Variants in SYNE1 observed in about 807,000 individuals in gnomAD.
SYNE1 encodes the protein nesprin-1.
SYNE1 carries 616 observed loss-of-function variants against 1,111.0 expected under a neutral mutation model. That is an observed-to-expected ratio of 0.55 (90% CI 0.52 to 0.59). The LOEUF is 0.59. Ranked by LOEUF, SYNE1 falls within the 20% of genes least tolerant of loss-of-function variation. The pLI is 0.00. For synonymous variants in SYNE1, 3,855 were observed against 3,825.8 expected (o/e 1.01, Z -0.28); for missense variants, 10,006 against 10,417.0 (o/e 0.96, Z 1.72).
intron 130 of SYNE1, among the ~76,000 whole-genome samples, chr6:152,175,097 G>A (rs2066098419): frequency 6.6e-6 from 1 of 152,190 alleles, no homozygotes; most frequent in Non-Finnish European, 1.5e-5. Flanking sequence ...GGAGGCTGAG[G>A]CAGGAGAATT....
chr6:152,225,437 A>AT (rs1191681667), intron 116 of SYNE1, among the ~76,000 whole-genome samples: 1 of 152,088 alleles, frequency 6.6e-6, no homozygotes, highest in Admixed American at 6.6e-5. Flanking sequence ...TCCACTTTGT[A>AT]TATCTTTTGC....
At chr6:152,593,284 T>G (rs2099572004) in intron 3 of SYNE1, among the ~76,000 whole-genome samples, 1 of 152,156 alleles carries the variant, frequency 6.6e-6, no homozygotes, top group African/African-American at 2.4e-5. Flanking sequence ...TGAAATGTGT[T>G]ATGAAATGAC....
intron 47 of SYNE1, among the ~76,000 whole-genome samples, 198 bp downstream of exon 47, chr6:152,400,940 T>C (rs1170219709): frequency 6.6e-6 from 1 of 152,218 alleles, no homozygotes; most frequent in East Asian, 1.9e-4. Flanking sequence ...TTTCAAGGTA[T>C]TCATTTTTGA....
chr6:152,267,399 T>C (rs2092812574), intron 100 of SYNE1, among the ~76,000 whole-genome samples: 1 of 152,208 alleles, frequency 6.6e-6, no homozygotes, highest in Non-Finnish European at 1.5e-5. Context: ...GTGATGACCT[T>C]AGTGGATTAT....
At chr6:152,450,509 T>C in intron 27 of SYNE1, 116 bp downstream of exon 27, 4 of 1,024,652 alleles carry the variant, frequency 3.9e-6, no homozygotes, top group South Asian at 1.3e-5. Context: ...GAAGGATTTT[T>C]GTACGAGAAC....
At chr6:152,411,720 CA>C (rs1322430375) in intron 42 of SYNE1, among the ~76,000 whole-genome samples, 4 of 118,586 alleles carry the variant, frequency 3.4e-5, no homozygotes, top group South Asian at 2.9e-4. Context: ...CACACACACA[CA>C]CACACACCCC....
intron 51 of SYNE1, among the ~76,000 whole-genome samples, chr6:152,394,988 G>A (rs930244444): frequency 1.9e-4 from 29 of 151,864 alleles, no homozygotes; most frequent in African/African-American, 7.0e-4. Flanking sequence ...TCACCATGTT[G>A]GCCAGGCTGG....
rs558696438 is a variant in SYNE1 at position 152,603,062 on chromosome 6, ATTT to A, written c.67+25200_67+25202del. Among the ~76,000 whole-genome samples the A allele has an allele frequency of 7.4e-4, 113 of 152,270 alleles. 1 individual carries two copies. The highest frequency in any genetic ancestry group is 2.0e-3 in the African/African-American group (83 of 41,542). On this transcript the variant is annotated intron_variant, in intron 3 of 145. Transcript: ENST00000367255. ...GTCAACCAGGGCAGAGGATCTGTGA[ATTT>A]CAGACTCAGATCACTAGCCTGCAGG... is the stretch of plus-strand genomic sequence containing the variant.
At chr6:152,263,656 C>T (rs1454634692) in intron 100 of SYNE1, among the ~76,000 whole-genome samples, 1 of 151,920 alleles carries the variant, frequency 6.6e-6, no homozygotes, top group Non-Finnish European at 1.5e-5. Context: ...GCCTCAGCCT[C>T]CCAAATTTGT....
At chr6:152,524,503 G>T (rs893664171) in intron 5 of SYNE1, among the ~76,000 whole-genome samples, 3 of 151,870 alleles carry the variant, frequency 2.0e-5, no homozygotes, top group African/African-American at 7.3e-5. Flanking sequence ...AGGTAATCAA[G>T]GGAGTATGTA....
chr6:152,589,969 A>G (rs1021768983), intron 3 of SYNE1, among the ~76,000 whole-genome samples: 26 of 144,166 alleles, frequency 1.8e-4, no homozygotes, highest in Non-Finnish European at 2.5e-4. Context: ...GTCTCATTCT[A>G]TCACCCAGGC....
At chr6:152,254,354 C>T (rs974993799) in intron 104 of SYNE1, among the ~76,000 whole-genome samples, 5 of 140,104 alleles carry the variant, frequency 3.6e-5, no homozygotes, top group Admixed American at 7.8e-5. Context: ...CGGGTTCAAG[C>T]GATCCTCCTG....
intron 76 of SYNE1, chr6:152,335,705 T>A (rs1249134142): frequency 6.6e-6 from 1 of 152,164 alleles, no homozygotes. Context: ...TTCCCTTTTT[T>A]TTGAGACAGA....
At position 152,430,490 on chromosome 6, in the gene SYNE1, G is replaced by T; in HGVS notation, c.4681C>A (p.Leu1561Ile). 1.2e-6 allele frequency: 2 copies of T among 1,613,632 alleles called. No individual in the cohort carries two copies. Among genetic ancestry groups the T allele is most frequent in the South Asian group, 1.1e-5 (1 of 91,066 alleles). ...GGTGGATCAATTCTTACCTTTCTAA[G>T]GTTCTCTTCAAACTTTTGCTGCTGA... is the stretch of plus-strand genomic sequence containing the variant. ...LSQQQKFEEN[L>I]RKIQQSVSEF... The change falls in exon 35 of 146, where the codon CTT (leucine) becomes ATT (isoleucine). Residue 1561 changes from leucine (L) to isoleucine (I), a missense_variant. Physicochemically the swap from Leu to Ile is conservative, Grantham distance 5 (BLOSUM62 2). Coordinates refer to ENST00000367255, the MANE Select transcript of SYNE1 (RefSeq NM_182961.4).
intron 72 of SYNE1, among the ~76,000 whole-genome samples, chr6:152,349,895 C>T (rs1180223304): frequency 3.9e-5 from 6 of 152,154 alleles, no homozygotes; most frequent in African/African-American, 1.4e-4. Context: ...TGAGATGTGC[C>T]TTAACCTTTC....
chr6:152,344,889 T>C (rs1411054740), intron 73 of SYNE1, among the ~76,000 whole-genome samples: 1 of 152,234 alleles, frequency 6.6e-6, no homozygotes, highest in Non-Finnish European at 1.5e-5. Flanking sequence ...AAATTATGTG[T>C]CTATTTGAGA....
intron 4 of SYNE1, among the ~76,000 whole-genome samples, chr6:152,532,725 G>T (rs1393364295): frequency 1.3e-5 from 2 of 152,138 alleles, no homozygotes; most frequent in African/African-American, 2.4e-5. Context: ...CCCATAACTT[G>T]TAGAACCAGA....
At chr6:152,376,281 C>T (rs562026178) in intron 58 of SYNE1, 100 bp downstream of exon 58, 8 of 1,326,682 alleles carry the variant, frequency 6.0e-6, no homozygotes, top group Admixed American at 3.4e-5. Flanking sequence ...GGCCAGGGAC[C>T]TGTACCAGTC....
At chr6:152,327,495 A>G (rs372334733) in intron 78 of SYNE1, among the ~76,000 whole-genome samples, 1 of 152,320 alleles carries the variant, frequency 6.6e-6, no homozygotes, top group East Asian at 1.9e-4. Flanking sequence ...AAGGAAAAGA[A>G]ACACTCTAAC....
Sources: allele counts gnomAD v4.1 joint callset (sites outside exome capture counted in the v4.1 genomes callset), GRCh38; gene constraint gnomAD v4.1.1; transcripts MANE v1.5; gene names NCBI Gene and HGNC (gene_info 2026-07-23, HGNC 2026-07-21).